PTPRN2: variants seen among roughly 807,000 people sequenced by gnomAD.
PTPRN2 encodes receptor-type tyrosine-protein phosphatase N2.
Under a neutral mutation model 118.8 loss-of-function variants are expected in PTPRN2, and 74 were observed. The ratio of observed to expected loss-of-function variants is 0.62; its 90% confidence interval spans 0.52 to 0.76. PTPRN2 has a LOEUF of 0.76. PTPRN2 is among the 30% of genes least tolerant of loss of function. The pLI, the probability that PTPRN2 is intolerant of heterozygous loss-of-function variation, is 0.00. For missense variants in PTPRN2, 1,481 were observed against 1,394.4 expected, an observed-to-expected ratio of 1.06 and a Z score of -0.99; for synonymous variants, 641 against 608.0, an observed-to-expected ratio of 1.05 and a Z score of -0.80.
At chr7:158,288,930 C>T (rs555400348) in intron 3 of PTPRN2, among the ~76,000 whole-genome samples, 2 of 152,262 alleles carry the variant, frequency 1.3e-5, no homozygotes, top group African/African-American at 2.4e-5. Flanking sequence ...TTCTGAAGAA[C>T]AGCTTTGCCA....
intron 12 of PTPRN2, among the ~76,000 whole-genome samples, chr7:157,877,986 G>C (rs117622468): frequency 7.9e-5 from 12 of 152,222 alleles, no homozygotes; most frequent in Admixed American, 2.0e-4. Flanking sequence ...AAAATCCCGC[G>C]TATGTCAGTA....
intron 2 of PTPRN2, among the ~76,000 whole-genome samples, chr7:158,340,370 C>T (rs1430639591): frequency 1.0e-5 from 1 of 100,436 alleles, no homozygotes; most frequent in Non-Finnish European, 2.1e-5. Context: ...ACAGAGGTCA[C>T]TCACACCCAT....
intron 5 of PTPRN2, among the ~76,000 whole-genome samples, chr7:158,189,962 G>A (rs770832628): frequency 4.6e-5 from 7 of 152,232 alleles, no homozygotes; most frequent in Non-Finnish European, 8.8e-5. Context: ...CTGTGGTGCC[G>A]AGGCACAGGT....
intron 3 of PTPRN2, among the ~76,000 whole-genome samples, chr7:158,244,153 C>T (rs1796053511): frequency 2.0e-5 from 3 of 152,218 alleles, no homozygotes; most frequent in African/African-American, 7.2e-5. Context: ...CCTCCTTCCC[C>T]CAGGACTTCC....
chr7:158,256,673 A>G (rs989870490), intron 3 of PTPRN2, among the ~76,000 whole-genome samples: 4 of 152,118 alleles, frequency 2.6e-5, no homozygotes, highest in African/African-American at 4.8e-5. Flanking sequence ...CAGAAGCTCC[A>G]TGTTGGACAA....
chr7:157,955,092 G>C (rs1011482084), intron 11 of PTPRN2, among the ~76,000 whole-genome samples: 1 of 152,234 alleles, frequency 6.6e-6, no homozygotes, highest in East Asian at 1.9e-4. Flanking sequence ...TGGAGATGCA[G>C]TCCAGAAAGA....
intron 11 of PTPRN2, among the ~76,000 whole-genome samples, chr7:157,908,028 C>T (rs763167673): frequency 6.6e-6 from 1 of 152,238 alleles, no homozygotes; most frequent in African/African-American, 2.4e-5. Context: ...AGCCGCAGAG[C>T]CGCCTTTATT....
chr7:158,000,010 G>T (rs911422173), intron 11 of PTPRN2, among the ~76,000 whole-genome samples: 1 of 151,768 alleles, frequency 6.6e-6, no homozygotes, highest in Non-Finnish European at 1.5e-5. Context: ...CCTCAGCCTC[G>T]CGAGAAGCTG....
chr7:157,571,202 T>TAAAAAA (rs56184271), intron 20 of PTPRN2, among the ~76,000 whole-genome samples: 5 of 129,502 alleles, frequency 3.9e-5, no homozygotes, highest in African/African-American at 9.0e-5. Context: ...GCAACAGAGT[T>TAAAAAA]AAAAAAAAAA....
intron 2 of PTPRN2, among the ~76,000 whole-genome samples, chr7:158,409,326 G>A (rs917558099): frequency 1.3e-5 from 2 of 152,214 alleles, no homozygotes; most frequent in African/African-American, 4.8e-5. Context: ...GTGTGCAGGA[G>A]CAGGCAGTGA....
intron 13 of PTPRN2, among the ~76,000 whole-genome samples, chr7:157,666,858 C>T (rs566365289): frequency 5.9e-5 from 9 of 151,940 alleles, no homozygotes; most frequent in Non-Finnish European, 1.2e-4. Context: ...CACACTTGGC[C>T]CATGCGGCAC....
At chr7:158,291,813 C>G (rs1800137973) in intron 3 of PTPRN2, among the ~76,000 whole-genome samples, 1 of 152,166 alleles carries the variant, frequency 6.6e-6, no homozygotes, top group Admixed American at 6.5e-5. Flanking sequence ...CTAACACTAC[C>G]AGAACCCTAA....
chr7:157,951,457 G>A (rs150417491), intron 11 of PTPRN2, among the ~76,000 whole-genome samples: 63 of 152,196 alleles, frequency 4.1e-4, no homozygotes, highest in African/African-American at 1.4e-3. Context: ...CCCCGGAGGC[G>A]CTGCTGATGC....
intron 11 of PTPRN2, among the ~76,000 whole-genome samples, chr7:157,965,267 C>G (rs1018456454): frequency 6.6e-6 from 1 of 152,110 alleles, no homozygotes; most frequent in Non-Finnish European, 1.5e-5. Flanking sequence ...CAGTGTAACC[C>G]CTCTGAAGTC....
Position 157,874,869 on chromosome 7 carries a change from G to C in PTPRN2, c.1788+23804C>G, listed in dbSNP as rs950117154. Among the ~76,000 whole-genome samples, 4 of 151,244 alleles carry C rather than the reference G, an allele frequency of 2.6e-5. No homozygotes were observed. Among genetic ancestry groups the C allele is most frequent in the African/African-American group, 7.3e-5 (3 of 41,056 alleles). ...CATATACACACGGAGACACACTCGT[G>C]CACATACACACACGGAGACACACTC... On this transcript the variant is annotated intron_variant, in intron 12 of 22. Transcript: ENST00000389418. The surrounding 1 kb of genome is among the most constrained non-coding windows in gnomAD (Gnocchi z 5.8).
chr7:157,914,649 G>A (rs1798294546), intron 11 of PTPRN2, among the ~76,000 whole-genome samples: 1 of 151,656 alleles, frequency 6.6e-6, no homozygotes, highest in African/African-American at 2.4e-5. Flanking sequence ...ATAGGCTTCT[G>A]GAATGCTTAT....
chr7:157,691,863 C>G (rs1797517006), intron 12 of PTPRN2, among the ~76,000 whole-genome samples: 1 of 152,182 alleles, frequency 6.6e-6, no homozygotes, highest in Non-Finnish European at 1.5e-5. Flanking sequence ...GAGCACCTCC[C>G]CCCCGCGCCT....
rs1796655386 is a variant in PTPRN2 at position 157,676,112 on chromosome 7, C to CAA, written c.2001+6612_2001+6613insTT. Reference sequence around the variant, plus strand: ...TCACGAACTCAAAGAGCTGACCTCTCTGGGCCGGCACACAACTTGCAGCCG... The same window carrying CAA: ...TCACGAACTCAAAGAGCTGACCTCTCAATGGGCCGGCACACAACTTGCAGCCG... On this transcript the variant is annotated intron_variant, in intron 13 of 22. Transcript: ENST00000389418. This position sits in a 1 kb window ranked among gnomAD's most constrained non-coding sequence, Gnocchi z 5.6. Among the ~76,000 whole-genome samples the CAA allele has an allele frequency of 6.6e-6, 1 of 152,148 alleles. No individual in the cohort carries two copies. Among genetic ancestry groups the CAA allele is most frequent in the South Asian group, 2.1e-4 (1 of 4,826 alleles).
intron 2 of PTPRN2, among the ~76,000 whole-genome samples, chr7:158,395,780 C>CGAGGCGCGAGGGGAGAGGGGAGAGGGGA: frequency 2.5e-5 from 1 of 39,422 alleles, no homozygotes; most frequent in African/African-American, 8.7e-5. Context: ...GGGTGAGGCG[C>CGAGGCGCGAGGGGAGAGGGGAGAGGGGA]GAGGGGCGAG....
Sources: gnomAD v4.1 joint callset for allele counts (sites outside exome capture counted in the v4.1 genomes callset) on GRCh38, gnomAD v4.1.1 for gene constraint, Gnocchi (gnomAD v3.1) non-coding constraint, MANE v1.5 for transcripts, NCBI Gene and HGNC (gene_info 2026-07-23, HGNC 2026-07-21) for gene names.